Variants in GMDS observed in about 807,000 individuals in gnomAD.
GMDS encodes the protein GDP-mannose 4,6 dehydratase.
Under a neutral mutation model 49.9 loss-of-function variants are expected in GMDS, and 20 were observed. The observed-to-expected ratio is 0.40, with a 90% CI of 0.28 to 0.58. GMDS has a LOEUF of 0.58. Ranked by LOEUF, GMDS falls within the 20% of genes least tolerant of loss-of-function variation. The probability of loss-of-function intolerance (pLI) is 0.42; values close to 1 mark genes in which losing one functional copy is unlikely to be tolerated. For missense variants in GMDS, 362 were observed against 481.4 expected, an observed-to-expected ratio of 0.75 and a Z score of 2.32; for synonymous variants, 177 against 178.6, an observed-to-expected ratio of 0.99 and a Z score of 0.07.
Position 1,863,384 on chromosome 6 carries a change from C to T in GMDS, c.771+66719G>A, listed in dbSNP as rs139040296. ...TGTTTAAGAAGGGTGGGAGTGGAAACAGCACCCACAAACGTTTGGCTGTAA... is the reference window on the plus strand; with the variant it reads ...TGTTTAAGAAGGGTGGGAGTGGAAATAGCACCCACAAACGTTTGGCTGTAA... On this transcript the variant is annotated intron_variant, in intron 7 of 10. Transcript: ENST00000380815. 4.6e-5 allele frequency among the ~76,000 whole-genome samples: 7 copies of T among 152,264 alleles called. No homozygotes were observed. In the East Asian group the frequency reaches 5.8e-4, roughly 13 times the overall value.
chr6:1,945,310 A>C (rs1471531206), intron 6 of GMDS, among the ~76,000 whole-genome samples: 3 of 152,088 alleles, frequency 2.0e-5, no homozygotes, highest in Non-Finnish European at 4.4e-5. Flanking sequence ...ATGGGCATGC[A>C]GGAGGCAATA....
chr6:1,875,155 G>A (rs1758970928), intron 7 of GMDS, among the ~76,000 whole-genome samples: 1 of 152,014 alleles, frequency 6.6e-6, no homozygotes, highest in Non-Finnish European at 1.5e-5. Context: ...ATATCCAATA[G>A]AGTTCTATTC....
chr6:1,624,048 G>A lies in GMDS; in HGVS notation c.*121C>T, dbSNP rs112980684. The A allele has an allele frequency of 0.039, 32,635 of 834,348 alleles. 2,290 individuals carry two copies. The highest frequency in any genetic ancestry group is 0.24 in the African/African-American group (14,170 of 59,562). 51.7% of individuals were successfully genotyped at this position (834,348 alleles called of 1,614,324 possible). A position where few individuals can be genotyped will look rare whatever the true frequency, so the allele number is the denominator to read the frequency against. ...GCTCTTGCGGCCGGGACAGCGCAGCGGCAGCAGGGGCCGCAGGGGACCCGC... is the reference window on the plus strand; with the variant it reads ...GCTCTTGCGGCCGGGACAGCGCAGCAGCAGCAGGGGCCGCAGGGGACCCGC... On this transcript the variant is annotated 3_prime_UTR_variant, in exon 11 of 11. Transcript: ENST00000380815.
intron 4 of GMDS, among the ~76,000 whole-genome samples, chr6:1,995,763 T>A (rs916156173): frequency 1.3e-5 from 2 of 152,180 alleles, no homozygotes; most frequent in African/African-American, 4.8e-5. Context: ...GGCACGTGGC[T>A]TGGGAAGGGC....
At chr6:1,838,971 A>G (rs1397653167) in intron 7 of GMDS, among the ~76,000 whole-genome samples, 4 of 152,220 alleles carry the variant, frequency 2.6e-5, no homozygotes, top group Non-Finnish European at 1.5e-5. Context: ...CTTGAGAAAA[A>G]TATCACATTA....
At chr6:2,245,102 C>G (rs904144954) in intron 1 of GMDS, among the ~76,000 whole-genome samples, 1 of 152,212 alleles carries the variant, frequency 6.6e-6, no homozygotes, top group East Asian at 1.9e-4. Context: ...ACGCTCACAG[C>G]CCCCAGAGAA....
intron 1 of GMDS, among the ~76,000 whole-genome samples, chr6:2,171,474 T>C (rs1481754293): frequency 1.3e-5 from 2 of 152,184 alleles, no homozygotes; most frequent in East Asian, 1.9e-4. Flanking sequence ...GGCAGATGTG[T>C]TGATGATTAG....
intron 9 of GMDS, among the ~76,000 whole-genome samples, chr6:1,651,983 T>C (rs964444254): frequency 6.6e-6 from 1 of 152,072 alleles, no homozygotes; most frequent in Admixed American, 6.5e-5. Context: ...CCTTGTTTGA[T>C]GTTTTCTCTG....
chr6:1,812,417 G>A (rs2113683359), intron 7 of GMDS, among the ~76,000 whole-genome samples: 1 of 152,226 alleles, frequency 6.6e-6, no homozygotes, highest in African/African-American at 2.4e-5. Flanking sequence ...TAGAAAAGTA[G>A]AGCAAACCAG....
intron 4 of GMDS, among the ~76,000 whole-genome samples, chr6:2,039,518 C>G (rs1321538300): frequency 6.6e-6 from 1 of 152,002 alleles, no homozygotes; most frequent in African/African-American, 2.4e-5. Context: ...ACACACTATA[C>G]AGTTAAACAA....
chr6:1,804,005 CA>C lies in GMDS; in HGVS notation c.772-61420del, dbSNP rs150945115. 6.3e-4 allele frequency among the ~76,000 whole-genome samples: 96 copies of C among 152,222 alleles called. 3 individuals carry two copies. The East Asian group carries it at 0.017, about 28-fold the overall frequency. ...TTAATACACATTTTGAAAGAAGTGC[CA>C]AAATCCTAGGGGTTTCAATAAAAGA... On this transcript the variant is annotated intron_variant, in intron 7 of 10. Coordinates refer to ENST00000380815, the MANE Select transcript of GMDS (RefSeq NM_001500.4).
chr6:1,637,797 C>A (rs1414605079), intron 9 of GMDS, among the ~76,000 whole-genome samples: 1 of 152,202 alleles, frequency 6.6e-6, no homozygotes, highest in African/African-American at 2.4e-5. Flanking sequence ...GCCCTTAGAC[C>A]AGCAGCAACA....
intron 4 of GMDS, among the ~76,000 whole-genome samples, chr6:2,021,603 T>C (rs1472652641): frequency 6.6e-6 from 1 of 152,240 alleles, no homozygotes; most frequent in Non-Finnish European, 1.5e-5. Context: ...TGTGGCTCTC[T>C]TAGTCTCCAG....
chr6:1,929,218 C>A (rs1347536497), intron 7 of GMDS, among the ~76,000 whole-genome samples: 2 of 152,116 alleles, frequency 1.3e-5, no homozygotes, highest in Non-Finnish European at 2.9e-5. Flanking sequence ...CATAAATGAA[C>A]AAGAAAGCTG....
chr6:1,666,188 C>A (rs566256288), intron 9 of GMDS, among the ~76,000 whole-genome samples: 14 of 152,292 alleles, frequency 9.2e-5, no homozygotes, highest in African/African-American at 3.4e-4. Context: ...CCGTGAGAGT[C>A]CCTGAGGGTC....
intron 4 of GMDS, among the ~76,000 whole-genome samples, chr6:1,996,659 C>T (rs1477662071): frequency 6.6e-6 from 1 of 152,162 alleles, no homozygotes; most frequent in African/African-American, 2.4e-5. Flanking sequence ...CCATCACATG[C>T]ACCTTCCCAT....
At chr6:1,956,220 G>T (rs1763630343) in intron 6 of GMDS, among the ~76,000 whole-genome samples, 1 of 152,148 alleles carries the variant, frequency 6.6e-6, no homozygotes. Flanking sequence ...TTTTCTTAGA[G>T]GCCCAGACAA....
At chr6:1,925,178 T>C (rs900966141) in intron 7 of GMDS, among the ~76,000 whole-genome samples, 5 of 152,242 alleles carry the variant, frequency 3.3e-5, no homozygotes, top group South Asian at 2.1e-4. Flanking sequence ...TTATTCTGTA[T>C]GTTTAAAAAG....
At chr6:1,786,348 C>T (rs1002286387) in intron 7 of GMDS, among the ~76,000 whole-genome samples, 2 of 152,232 alleles carry the variant, frequency 1.3e-5, no homozygotes, top group Non-Finnish European at 2.9e-5. Flanking sequence ...GGAAGCAGCA[C>T]AGGAAGCAGG....
Sources: gnomAD v4.1 joint callset for allele counts (sites outside exome capture counted in the v4.1 genomes callset) on GRCh38, gnomAD v4.1.1 for gene constraint, MANE v1.5 for transcripts, NCBI Gene and HGNC (gene_info 2026-07-23, HGNC 2026-07-21) for gene names.